The following ZSCAN5A variants were observed in gnomAD, a reference collection of about 807,000 sequenced individuals.
ZSCAN5A encodes the protein zinc finger and SCAN domain containing 5A.
Under a neutral mutation model 23.7 loss-of-function variants are expected in ZSCAN5A, and 12 were observed. The observed-to-expected ratio is 0.51, with a 90% CI of 0.32 to 0.82. The LOEUF is 0.82. Among genes scored for constraint, ZSCAN5A ranks in the 40% least tolerant of loss-of-function variants. The pLI is 0.03. For missense variants in ZSCAN5A, 597 were observed against 617.9 expected, an observed-to-expected ratio of 0.97 and a Z score of 0.36; for synonymous variants, 257 against 239.9, an observed-to-expected ratio of 1.07 and a Z score of -0.66.
chr19:56,221,828 G>C lies in ZSCAN5A; in HGVS notation c.1238C>G (p.Thr413Arg). 1.2e-6 allele frequency: 2 copies of C among 1,614,162 alleles called. No homozygotes were observed. The highest frequency in any genetic ancestry group is 2.2e-5 in the South Asian group (2 of 91,086). The change falls in exon 6 of 6, where the codon ACG (threonine) becomes AGG (arginine). Residue 413 changes from threonine to arginine, a missense_variant. Thr to Arg is a moderately conservative substitution (Grantham distance 71). Transcript: ENST00000683990. ...GAACTGCTTCTGGCAGACGTCACAC[G>C]TGTAGGGCCTCTCGCCAGTGTGGGT... ...QRTHTGERPY[T>R]CDVCQKQFTQ...
chr19:56,324,603 C>A (rs1480715816), intron 2 of ZSCAN5A, among the ~76,000 whole-genome samples: 1 of 151,194 alleles, frequency 6.6e-6, no homozygotes. Context: ...AAAATAGAAT[C>A]CCCATGTGAC....
At chr19:56,346,202 C>T (rs760839856) in intron 2 of ZSCAN5A, among the ~76,000 whole-genome samples, 1 of 148,534 alleles carries the variant, frequency 6.7e-6, no homozygotes, top group Non-Finnish European at 1.5e-5. Flanking sequence ...AAAAGCAAAA[C>T]AGCAACGAAA....
chr19:56,295,232 G>A (rs1453433746), intron 2 of ZSCAN5A: 2 of 152,118 alleles, frequency 1.3e-5, no homozygotes, highest in Non-Finnish European at 2.9e-5. Flanking sequence ...AAACAACAAC[G>A]GGTGGTGGGA....
chr19:56,337,119 G>C (rs994454824), intron 2 of ZSCAN5A, among the ~76,000 whole-genome samples: 1 of 152,226 alleles, frequency 6.6e-6, no homozygotes, highest in Non-Finnish European at 1.5e-5. Flanking sequence ...CTGTCAGACA[G>C]GGACATTTAA....
intron 2 of ZSCAN5A, chr19:56,228,508 G>C: frequency 1.1e-6 from 1 of 932,356 alleles, no homozygotes; most frequent in Non-Finnish European, 1.3e-6. Flanking sequence ...CCGCTCTACT[G>C]AGTTGTCATA....
intron 2 of ZSCAN5A, among the ~76,000 whole-genome samples, chr19:56,227,704 C>G (rs1358783082): frequency 6.6e-6 from 1 of 152,098 alleles, no homozygotes; most frequent in African/African-American, 2.4e-5. Context: ...GGTTGATGCT[C>G]ATTCATCAAT....
chr19:56,266,877 C>T (rs758070737), intron 2 of ZSCAN5A: 1 of 152,334 alleles, frequency 6.6e-6, no homozygotes, highest in Non-Finnish European at 1.5e-5. Context: ...CTATCATTCT[C>T]ACGGCGGAGC....
chr19:56,360,563 G>A (rs191395577), intron 2 of ZSCAN5A, among the ~76,000 whole-genome samples: 1 of 152,180 alleles, frequency 6.6e-6, no homozygotes, highest in African/African-American at 2.4e-5. Context: ...CAACAAACCT[G>A]ACAAAAACCA....
intron 2 of ZSCAN5A, among the ~76,000 whole-genome samples, chr19:56,301,618 C>T (rs2040237132): frequency 6.6e-6 from 1 of 152,020 alleles, no homozygotes. Flanking sequence ...GGAATGTAGC[C>T]CAGTAGGGCT....
intron 2 of ZSCAN5A, among the ~76,000 whole-genome samples, chr19:56,350,608 A>AC (rs1353647128): frequency 6.6e-6 from 1 of 152,176 alleles, no homozygotes; most frequent in African/African-American, 2.4e-5. Context: ...GGAAAAAGTT[A>AC]CCGCTATATT....
At chr19:56,274,317 G>A (rs2038083352) in intron 2 of ZSCAN5A, among the ~76,000 whole-genome samples, 1 of 152,064 alleles carries the variant, frequency 6.6e-6, no homozygotes, top group Non-Finnish European at 1.5e-5. Context: ...ATCCAGGCAT[G>A]GTAGTAGGGG....
intron 2 of ZSCAN5A, among the ~76,000 whole-genome samples, chr19:56,258,515 A>T (rs2036888739): frequency 7.3e-6 from 1 of 136,122 alleles, no homozygotes; most frequent in Admixed American, 7.6e-5. Flanking sequence ...CACACCTTCC[A>T]GTGTGGGGGG....
Position 56,236,544 on chromosome 19 carries a change from GCC to G in ZSCAN5A, c.-127-11373_-127-11372del, listed in dbSNP as rs1479127588. Among the ~76,000 whole-genome samples, 9 of 32,530 alleles carry G rather than the reference GCC, an allele frequency of 2.8e-4. 1 individual carries two copies. Among genetic ancestry groups the G allele is most frequent in the African/African-American group, 1.0e-3 (9 of 8,932 alleles). 21.3% of individuals were successfully genotyped at this position (32,530 alleles called of 152,430 possible). On this transcript the variant is annotated intron_variant, in intron 2 of 5. Coordinates refer to ENST00000683990, the MANE Select transcript of ZSCAN5A (RefSeq NM_001322064.3). ...CAGCCTCTGATGGATGGTGGGCCAA[GCC>G]TCCACTCCAGCCTCTGATGGACGGT... is the stretch of plus-strand genomic sequence containing the variant.
intron 2 of ZSCAN5A, chr19:56,321,138 G>A (rs1047487747): frequency 1.8e-5 from 12 of 661,038 alleles, no homozygotes; most frequent in East Asian, 6.2e-5. Flanking sequence ...CTAGGATGTC[G>A]CCCCTCTTCT....
intron 2 of ZSCAN5A, chr19:56,348,223 T>A (rs2147456652): frequency 6.6e-6 from 1 of 152,310 alleles, no homozygotes; most frequent in South Asian, 2.1e-4. Context: ...TTCCAAACAC[T>A]AGAGCTAGTC....
At chr19:56,342,441 C>A (rs544944862) in intron 2 of ZSCAN5A, 3 of 374,750 alleles carry the variant, frequency 8.0e-6, no homozygotes, top group Admixed American at 2.6e-5. Context: ...TTTTTAAATT[C>A]TTGGGTTAAG....
At chr19:56,314,401 A>G (rs1044702978) in intron 1 of ZSCAN5A, 8 of 152,240 alleles carry the variant, frequency 5.3e-5, no homozygotes, top group African/African-American at 1.9e-4. Context: ...AATTCTTGCG[A>G]AAAGTCTCTG....
chr19:56,354,564 AGGAAGC>A (rs2041689947), intron 2 of ZSCAN5A: 1 of 152,188 alleles, frequency 6.6e-6, no homozygotes, highest in Admixed American at 6.5e-5. Context: ...TTTTTTATTC[AGGAAGC>A]TTTTGGATAG....
chr19:56,328,274 T>C (rs1249470494), intron 2 of ZSCAN5A, among the ~76,000 whole-genome samples: 5 of 152,210 alleles, frequency 3.3e-5, no homozygotes, highest in African/African-American at 1.2e-4. Flanking sequence ...AGAAAAATGC[T>C]GTCACAGAAT....
Sources: gnomAD v4.1 joint callset for allele counts (sites outside exome capture counted in the v4.1 genomes callset) on GRCh38, gnomAD v4.1.1 for gene constraint, MANE v1.5 for transcripts, NCBI Gene and HGNC (gene_info 2026-07-23, HGNC 2026-07-21) for gene names.